AFTPH: variants seen among roughly 807,000 people sequenced by gnomAD.
The protein encoded by AFTPH is aftiphilin protein.
In AFTPH, 7 loss-of-function variants were observed where a neutral mutation model predicts 72.5. The ratio of observed to expected loss-of-function variants is 0.10; its 90% confidence interval spans 0.05 to 0.18. The LOEUF (loss-of-function observed/expected upper bound fraction) is 0.18, where lower values mean the gene tolerates loss of function less well. AFTPH is among the 10% of genes least tolerant of loss of function. The pLI is 1.00. For synonymous variants in AFTPH, 337 were observed against 370.1 expected, an observed-to-expected ratio of 0.91 and a Z score of 1.03; for missense variants, 979 against 1,060.5, an observed-to-expected ratio of 0.92 and a Z score of 1.07.
chr2:64,573,230 A>G (rs79846966), intron 6 of AFTPH, among the ~76,000 whole-genome samples, 162 bp downstream of exon 6: 1 of 152,252 alleles, frequency 6.6e-6, no homozygotes, highest in African/African-American at 2.4e-5. Context: ...TTGGAATACA[A>G]TGAACAAATT....
In AFTPH at chr2:64,576,253, AC is replaced by A. The variant is rs1334288250; in HGVS notation, c.2394+3186del. Among the ~76,000 whole-genome samples, 4 of 151,448 alleles carry A rather than the reference AC, an allele frequency of 2.6e-5. No homozygotes were observed. The East Asian group carries it at 7.7e-4, about 29-fold the overall frequency. The stretch of plus-strand genomic sequence containing the variant: ...TTACTTTTTGGCCATGCAGGAAGTT[AC>A]ATCTTCCTACGCCCCTAGCCTTTAG... On this transcript the variant is annotated intron_variant, in intron 6 of 8. Transcript: ENST00000238856.
chr2:64,543,234 C>G (rs1480266673), intron 1 of AFTPH, among the ~76,000 whole-genome samples: 1 of 152,108 alleles, frequency 6.6e-6, no homozygotes, highest in Admixed American at 6.5e-5. Context: ...TTGGATTGTT[C>G]CACATTGACT....
chr2:64,558,090 GA>G (rs1317558092), intron 2 of AFTPH, among the ~76,000 whole-genome samples: 1 of 152,106 alleles, frequency 6.6e-6, no homozygotes. Flanking sequence ...TTAAATGGAA[GA>G]TTAAATTACC....
intron 1 of AFTPH, among the ~76,000 whole-genome samples, chr2:64,538,293 C>T (rs1169620425): frequency 1.3e-5 from 2 of 151,992 alleles, no homozygotes; most frequent in Admixed American, 6.6e-5. Context: ...ATCCTTTAGC[C>T]TTTCTACCTC....
chr2:64,590,065 C>A (rs1423584143), intron 8 of AFTPH, among the ~76,000 whole-genome samples: 1 of 151,646 alleles, frequency 6.6e-6, no homozygotes, highest in Admixed American at 6.6e-5. Context: ...TTCATTTCAT[C>A]TACTTAGGCT....
At chr2:64,557,874 A>C (rs1671477939) in intron 2 of AFTPH, among the ~76,000 whole-genome samples, 1 of 152,222 alleles carries the variant, frequency 6.6e-6, no homozygotes, top group African/African-American at 2.4e-5. Flanking sequence ...AAATTTGACT[A>C]TCTGGTGTTT....
intron 2 of AFTPH, among the ~76,000 whole-genome samples, chr2:64,558,328 T>C (rs1160984880): frequency 2.0e-5 from 3 of 152,150 alleles, no homozygotes; most frequent in Non-Finnish European, 4.4e-5. Context: ...TGAAAGGACA[T>C]ATAACAAAAC....
rs56139158 is a variant in AFTPH at position 64,550,677 on chromosome 2, GCACACACACACACACACACA to G, written c.-32-731_-32-712del. On this transcript the variant is annotated intron_variant, in intron 1 of 8. Coordinates refer to ENST00000238856, the Ensembl canonical transcript of AFTPH. The stretch of plus-strand genomic sequence containing the variant: ...ATAAAATTTTTAGAACTGTACGCAT[GCACACACACACACACACACA>G]CACACACACACACACACACACACAC... 5.0e-3 allele frequency among the ~76,000 whole-genome samples: 654 copies of G among 130,224 alleles called. 6 individuals carry two copies. The highest frequency in any genetic ancestry group is 0.03 in the South Asian group (114 of 3,832). The allele number at this position is 130,224 out of a possible 152,430, so 85.4% of individuals were successfully genotyped here.
At chr2:64,552,077 C>T in exon 2 of AFTPH, 1 of 1,613,978 alleles carries the variant, frequency 6.2e-7, no homozygotes, top group Non-Finnish European at 8.5e-7. Flanking sequence ...ATGATCTGGA[C>T]AATGTAGCTG....
At chr2:64,535,470 T>C (rs1669837660) in intron 1 of AFTPH, among the ~76,000 whole-genome samples, 1 of 152,224 alleles carries the variant, frequency 6.6e-6, no homozygotes, top group South Asian at 2.1e-4. Context: ...AGAAACCTGA[T>C]ACAACGAAAA....
intron 7 of AFTPH, chr2:64,580,266 G>T (rs922161714): frequency 6.6e-6 from 1 of 152,636 alleles, no homozygotes; most frequent in African/African-American, 2.4e-5. Context: ...CTTACTGCTT[G>T]TGCTTAAGTT....
intron 2 of AFTPH, among the ~76,000 whole-genome samples, chr2:64,565,401 G>C (rs1672007766): frequency 6.7e-6 from 1 of 149,954 alleles, no homozygotes; most frequent in Non-Finnish European, 1.5e-5. Flanking sequence ...CGTGAACCTG[G>C]GAGGCAGAGC....
chr2:64,553,667 T>C (rs1671185151), intron 2 of AFTPH, among the ~76,000 whole-genome samples: 1 of 149,806 alleles, frequency 6.7e-6, no homozygotes, highest in South Asian at 2.1e-4. Flanking sequence ...ACTCATCAAC[T>C]TGGATTTTTT....
chr2:64,558,558 C>T (rs997769437), intron 2 of AFTPH, among the ~76,000 whole-genome samples: 3 of 152,206 alleles, frequency 2.0e-5, no homozygotes, highest in African/African-American at 7.2e-5. Context: ...TGACATCACT[C>T]ATAGTGGTGC....
chr2:64,560,020 C>T (rs895287089), intron 2 of AFTPH, among the ~76,000 whole-genome samples: 19 of 152,092 alleles, frequency 1.2e-4, no homozygotes, highest in Non-Finnish European at 2.6e-4. Flanking sequence ...TAATGTTTGA[C>T]CAAATGTCTG....
chr2:64,553,009 A>G, exon 2 of AFTPH: 1 of 1,614,176 alleles, frequency 6.2e-7, no homozygotes, highest in Non-Finnish European at 8.5e-7. Context: ...GAAGAATGTC[A>G]ATTGGCAAGA....
intron 1 of AFTPH, among the ~76,000 whole-genome samples, chr2:64,547,004 G>A (rs942751046): frequency 4.6e-5 from 7 of 152,054 alleles, no homozygotes; most frequent in South Asian, 2.1e-4. Flanking sequence ...AGCCGAGATC[G>A]TGCCACTGCA....
intron 8 of AFTPH, among the ~76,000 whole-genome samples, chr2:64,585,883 C>T (rs1673475606): frequency 6.8e-6 from 1 of 147,128 alleles, no homozygotes; most frequent in Non-Finnish European, 1.5e-5. Context: ...TTCATAATTA[C>T]TGAGAAGATC....
At chr2:64,535,309 A>G (rs1037698733) in intron 1 of AFTPH, among the ~76,000 whole-genome samples, 1 of 152,232 alleles carries the variant, frequency 6.6e-6, no homozygotes, top group African/African-American at 2.4e-5. Flanking sequence ...ACTTTTAAAA[A>G]AGATGTTTGG....
Sources: gnomAD v4.1 joint callset for allele counts (sites outside exome capture counted in the v4.1 genomes callset) on GRCh38, gnomAD v4.1.1 for gene constraint, MANE v1.5 for transcripts, NCBI Gene and HGNC (gene_info 2026-07-23, HGNC 2026-07-21) for gene names.